The following CACNA2D3 variants were observed in gnomAD, a reference collection of about 807,000 sequenced individuals.
CACNA2D3 encodes the protein calcium voltage-gated channel auxiliary subunit alpha2delta 3, also known as voltage-dependent calcium channel subunit alpha-2/delta-3.
CACNA2D3 carries 60 observed loss-of-function variants against 160.6 expected under a neutral mutation model. The ratio of observed to expected loss-of-function variants is 0.37; its 90% CI spans 0.30 to 0.46. The LOEUF is 0.46. CACNA2D3 is among the 20% of genes least tolerant of loss of function. The pLI is 1.00. For missense variants in CACNA2D3, 1,205 were observed against 1,365.0 expected, an observed-to-expected ratio of 0.88 and a Z score of 1.85; for synonymous variants, 558 against 492.9, an observed-to-expected ratio of 1.13 and a Z score of -1.75.
At chr3:54,441,477 G>A (rs1700143512) in intron 4 of CACNA2D3, among the ~76,000 whole-genome samples, 1 of 152,152 alleles carries the variant, frequency 6.6e-6, no homozygotes. Context: ...CTGTGCAGAA[G>A]CTGTTTAGTT....
intron 29 of CACNA2D3, among the ~76,000 whole-genome samples, chr3:54,982,252 C>A (rs1047114593): frequency 9.9e-5 from 15 of 152,126 alleles, no homozygotes; most frequent in African/African-American, 3.6e-4. Flanking sequence ...CTGAGAGGAG[C>A]CTCTAACCCC....
At chr3:54,476,499 GC>G (rs1700833780) in intron 4 of CACNA2D3, among the ~76,000 whole-genome samples, 1 of 151,954 alleles carries the variant, frequency 6.6e-6, no homozygotes, top group Non-Finnish European at 1.5e-5. Flanking sequence ...TTCCATAGTG[GC>G]TGTACTAACT....
chr3:55,027,860 G>A (rs1703597822), intron 35 of CACNA2D3, among the ~76,000 whole-genome samples: 1 of 152,114 alleles, frequency 6.6e-6, no homozygotes, highest in Non-Finnish European at 1.5e-5. Flanking sequence ...CACAAGCAAT[G>A]GCAAACCATA....
At chr3:54,614,521 A>G (rs922960863) in intron 9 of CACNA2D3, among the ~76,000 whole-genome samples, 3 of 152,214 alleles carry the variant, frequency 2.0e-5, no homozygotes, top group African/African-American at 7.2e-5. Flanking sequence ...AGCTTCTCAG[A>G]TGGCCATGTT....
chr3:54,782,677 G>C (rs1162040774), intron 13 of CACNA2D3, among the ~76,000 whole-genome samples: 1 of 151,840 alleles, frequency 6.6e-6, no homozygotes, highest in Non-Finnish European at 1.5e-5. Context: ...CTGCCTAAAA[G>C]CATCATGCCA....
intron 29 of CACNA2D3, 110 bp downstream of exon 29, chr3:54,969,954 C>A: frequency 1.3e-6 from 1 of 744,378 alleles, no homozygotes; most frequent in Non-Finnish European, 2.1e-6. Context: ...ACGCATTGTA[C>A]TGGGCCAATC....
At chr3:54,380,702 T>G (rs1228538148) in intron 3 of CACNA2D3, among the ~76,000 whole-genome samples, 1 of 151,682 alleles carries the variant, frequency 6.6e-6, no homozygotes, top group East Asian at 1.9e-4. Flanking sequence ...ACCTGGGCAA[T>G]AGAGTGAGAC....
intron 4 of CACNA2D3, among the ~76,000 whole-genome samples, chr3:54,489,252 G>A (rs977902831): frequency 2.0e-5 from 3 of 152,298 alleles, no homozygotes; most frequent in African/African-American, 7.2e-5. Flanking sequence ...CTGGAAGCTC[G>A]CTATGCCATA....
At chr3:55,050,434 C>T in intron 35 of CACNA2D3, among the ~76,000 whole-genome samples, 4 of 150,070 alleles carry the variant, frequency 2.7e-5, no homozygotes, top group African/African-American at 7.4e-5. Flanking sequence ...TATTGGCCCC[C>T]ACTCTCTTCT....
intron 2 of CACNA2D3, among the ~76,000 whole-genome samples, chr3:54,220,764 C>G (rs1171220889): frequency 7.2e-5 from 11 of 152,212 alleles, no homozygotes. Context: ...GCTGTCACCT[C>G]TTCTTCCCTG....
chr3:54,941,837 G>A (rs1164925436), intron 27 of CACNA2D3, among the ~76,000 whole-genome samples: 3 of 152,122 alleles, frequency 2.0e-5, no homozygotes, highest in Non-Finnish European at 4.4e-5. Flanking sequence ...ACATGCATTG[G>A]CCTCCTCCCT....
intron 31 of CACNA2D3, among the ~76,000 whole-genome samples, chr3:54,988,984 T>C (rs983718159): frequency 2.6e-5 from 4 of 152,220 alleles, no homozygotes; most frequent in African/African-American, 7.2e-5. Flanking sequence ...ATTGTACACA[T>C]GCTTGAAAAC....
In CACNA2D3 at chr3:54,913,376, C is replaced by T. The variant is rs545214736; in HGVS notation, c.2449+13508C>T. ...CAGTATTCCTAATTTCCGTGGCCCT[C>T]GTAACTTTCTCCTCTTCTGTGTATT... On this transcript the variant is annotated intron_variant, in intron 27 of 37. Coordinates refer to ENST00000474759, the MANE Select transcript of CACNA2D3 (RefSeq NM_018398.3). Among the ~76,000 whole-genome samples the T allele has an allele frequency of 4.6e-5, 7 of 152,252 alleles. No homozygotes were observed. In the East Asian group the frequency reaches 9.7e-4, roughly 21 times the overall value.
At chr3:54,446,270 G>A (rs1239382319) in intron 4 of CACNA2D3, among the ~76,000 whole-genome samples, 1 of 152,148 alleles carries the variant, frequency 6.6e-6, no homozygotes, top group Non-Finnish European at 1.5e-5. Context: ...CAGGTTCTCA[G>A]TTTTCAAATG....
At chr3:54,620,652 C>G (rs1698964366) in intron 9 of CACNA2D3, among the ~76,000 whole-genome samples, 2 of 152,176 alleles carry the variant, frequency 1.3e-5, no homozygotes, top group African/African-American at 2.4e-5. Context: ...GAAACCAGCC[C>G]TGCACGGAAT....
At chr3:54,612,012 C>T (rs1157314373) in intron 9 of CACNA2D3, among the ~76,000 whole-genome samples, 1 of 152,172 alleles carries the variant, frequency 6.6e-6, no homozygotes, top group African/African-American at 2.4e-5. Context: ...ATGCCAATGC[C>T]CCCATGGTCT....
chr3:54,248,499 AAAAAG>A (rs1433696824), intron 2 of CACNA2D3, among the ~76,000 whole-genome samples: 17 of 151,024 alleles, frequency 1.1e-4, no homozygotes, highest in Admixed American at 2.6e-4. Context: ...AAAAAAAAAG[AAAAAG>A]AAAAAGAAAA....
chr3:54,343,704 C>T (rs1400158580), intron 3 of CACNA2D3, among the ~76,000 whole-genome samples: 3 of 152,132 alleles, frequency 2.0e-5, no homozygotes, highest in African/African-American at 7.2e-5. Context: ...CCACCATCCC[C>T]AGTGGAGAGT....
chr3:54,561,137 T>A (rs1167820863), intron 5 of CACNA2D3, among the ~76,000 whole-genome samples: 1 of 152,194 alleles, frequency 6.6e-6, no homozygotes, highest in African/African-American at 2.4e-5. Context: ...TTTATTAGGA[T>A]TAGCATTCAA....
Sources: allele counts gnomAD v4.1 joint callset (sites outside exome capture counted in the v4.1 genomes callset), GRCh38; gene constraint gnomAD v4.1.1; transcripts MANE v1.5; gene names NCBI Gene and HGNC (gene_info 2026-07-23, HGNC 2026-07-21).